BMP6: variants seen among roughly 807,000 people sequenced by gnomAD.
The protein encoded by BMP6 is VG-1-R.
In BMP6, 17 loss-of-function variants were observed where a neutral mutation model predicts 54.1. That is an observed-to-expected ratio of 0.31 (90% CI 0.22 to 0.47). BMP6 has a LOEUF of 0.47. BMP6 is among the 20% of genes least tolerant of loss of function. BMP6 has a pLI of 1.00. For synonymous variants in BMP6, 328 were observed against 291.2 expected (o/e 1.13, Z -1.28); for missense variants, 720 against 690.4 (o/e 1.04, Z -0.48).
At chr6:7,795,958 G>A (rs1758184898) in intron 1 of BMP6, among the ~76,000 whole-genome samples, 1 of 152,080 alleles carries the variant, frequency 6.6e-6, no homozygotes, top group Admixed American at 6.5e-5. Flanking sequence ...TTGAATTTGA[G>A]GTATCCTTGG....
intron 1 of BMP6, among the ~76,000 whole-genome samples, chr6:7,789,701 G>C (rs1758067137): frequency 2.0e-5 from 3 of 152,026 alleles, no homozygotes; most frequent in Non-Finnish European, 4.4e-5. Context: ...GAAGTACTCG[G>C]GGCTGGTTAG....
In BMP6 at chr6:7,727,480, C is replaced by G; in HGVS notation, c.525C>G (p.Pro175=). 1 of 1,594,412 alleles carries G rather than the reference C, an allele frequency of 6.3e-7. No individual in the cohort carries two copies. The part of the protein sequence containing the change: ...AASSSQRRQP[P]PGAAHPLNRK... ...GCTCGTCCCAGCGTCGGCAGCCGCC[C>G]CCGGGCGCCGCGCACCCGCTCAACC... is the stretch of plus-strand genomic sequence containing the variant. Residue 175 remains proline (P), a synonymous_variant, in exon 1 of 7, where the codon CCC becomes CCG. Coordinates refer to ENST00000283147, the MANE Select transcript of BMP6 (RefSeq NM_001718.6).
At chr6:7,799,326 CAG>C (rs1241387864) in intron 1 of BMP6, among the ~76,000 whole-genome samples, 28 of 152,250 alleles carry the variant, frequency 1.8e-4, no homozygotes, top group African/African-American at 5.5e-4. Context: ...AAGTAGGGGA[CAG>C]GGTCAGGTGC....
At chr6:7,763,823 C>T (rs936954083) in intron 1 of BMP6, among the ~76,000 whole-genome samples, 8 of 152,172 alleles carry the variant, frequency 5.3e-5, no homozygotes, top group African/African-American at 1.9e-4. Context: ...AGTTTGCCCT[C>T]CATGGTGACC....
At chr6:7,762,075 C>A (rs1270055857) in intron 1 of BMP6, among the ~76,000 whole-genome samples, 6 of 152,250 alleles carry the variant, frequency 3.9e-5, no homozygotes, top group Middle Eastern at 3.4e-3. Context: ...GCGCCCGCCA[C>A]CATGTCTGGC....
chr6:7,835,119 C>CTTTGTTTG (rs10622283), intron 1 of BMP6, among the ~76,000 whole-genome samples: 14 of 151,412 alleles, frequency 9.2e-5, no homozygotes, highest in South Asian at 8.4e-4. Context: ...GGAAGGAATG[C>CTTTGTTTG]TTTGTTTGTT....
rs1561799222 is a variant in BMP6, at chr6:7,875,921, T to TAG, written c.1205-3152_1205-3151insGA. ...TCATCACCCTAGACACTGGCTGCCG[T>TAG]ACTACCCATTCTTGATGTCACCTTT... On this transcript the variant is annotated intron_variant, in intron 4 of 6. Coordinates refer to ENST00000283147, the MANE Select transcript of BMP6 (RefSeq NM_001718.6). 3.9e-5 allele frequency among the ~76,000 whole-genome samples: 6 copies of TAG among 152,322 alleles called. No individual in the cohort carries two copies. The South Asian group carries it at 1.2e-3, about 32-fold the overall frequency.
chr6:7,875,776 TGA>T (rs894659181), intron 4 of BMP6, among the ~76,000 whole-genome samples: 10 of 152,180 alleles, frequency 6.6e-5, no homozygotes, highest in African/African-American at 1.7e-4. Context: ...CAGACTGTAA[TGA>T]GAGAGAAAAG....
intron 1 of BMP6, among the ~76,000 whole-genome samples, chr6:7,833,199 T>C (rs1431487461): frequency 6.6e-6 from 1 of 152,170 alleles, no homozygotes; most frequent in Non-Finnish European, 1.5e-5. Flanking sequence ...TCCAACGGTG[T>C]GCTCTCCAAT....
In BMP6 at chr6:7,880,456, C is replaced by G. The variant is rs1298868569; in HGVS notation, c.*113C>G. On this transcript the variant is annotated 3_prime_UTR_variant, in exon 7 of 7. Transcript: ENST00000283147. ...TGGGACGATGAGACTTTGAAACTAT[C>G]TCATGCCAGTGCCTTATTACCCAGG... 7.2e-7 allele frequency: 1 copy of G among 1,396,102 alleles called. No homozygotes were observed. The highest frequency in any genetic ancestry group is 1.4e-5 in the African/African-American group (1 of 69,714). The allele number at this position is 1,396,102 out of a possible 1,614,324, so 86.5% of individuals were successfully genotyped here.
chr6:7,831,036 G>C (rs1332787698), intron 1 of BMP6, among the ~76,000 whole-genome samples: 1 of 152,198 alleles, frequency 6.6e-6, no homozygotes, highest in Admixed American at 6.5e-5. Context: ...ATAGCCAAAA[G>C]GTGGAAAGAG....
intron 1 of BMP6, among the ~76,000 whole-genome samples, chr6:7,764,659 T>G (rs895021213): frequency 1.3e-5 from 2 of 152,172 alleles, no homozygotes; most frequent in Non-Finnish European, 1.5e-5. Flanking sequence ...TAAAAAAATT[T>G]TTTTAGGGGC....
intron 1 of BMP6, among the ~76,000 whole-genome samples, chr6:7,735,492 TTTAC>T (rs1319443458): frequency 5.9e-5 from 9 of 152,344 alleles, no homozygotes; most frequent in African/African-American, 2.2e-4. Flanking sequence ...ACTAAAAGTT[TTTAC>T]TTAATTTTGA....
At chr6:7,800,125 C>G (rs1465485008) in intron 1 of BMP6, among the ~76,000 whole-genome samples, 1 of 141,026 alleles carries the variant, frequency 7.1e-6, no homozygotes, top group Non-Finnish European at 1.5e-5. Context: ...TGTGTGTGAT[C>G]TAAAAGAAGC....
At chr6:7,854,721 A>T (rs1759198172) in intron 2 of BMP6, among the ~76,000 whole-genome samples, 4 of 152,220 alleles carry the variant, frequency 2.6e-5, no homozygotes, top group Non-Finnish European at 4.4e-5. Context: ...ACTTGAACCC[A>T]GGAGGCGGAG....
At chr6:7,758,502 C>T (rs1031345040) in intron 1 of BMP6, among the ~76,000 whole-genome samples, 3 of 152,156 alleles carry the variant, frequency 2.0e-5, no homozygotes, top group Non-Finnish European at 4.4e-5. Context: ...GGAAAATTGC[C>T]ATACCAACAA....
At chr6:7,831,096 C>T (rs1758786612) in intron 1 of BMP6, among the ~76,000 whole-genome samples, 1 of 152,176 alleles carries the variant, frequency 6.6e-6, no homozygotes, top group South Asian at 2.1e-4. Flanking sequence ...TGGCATGTAT[C>T]CATACAATGG....
At chr6:7,816,219 G>A (rs1309158115) in intron 1 of BMP6, among the ~76,000 whole-genome samples, 3 of 152,224 alleles carry the variant, frequency 2.0e-5, no homozygotes, top group African/African-American at 7.2e-5. Flanking sequence ...AATGGATTAA[G>A]AAGGGAGCAG....
chr6:7,844,721 G>A (rs1759032359), intron 1 of BMP6, among the ~76,000 whole-genome samples: 1 of 152,170 alleles, frequency 6.6e-6, no homozygotes, highest in Admixed American at 6.5e-5. Flanking sequence ...TAGCCGGGAG[G>A]AGAGGGGGCC....
Sources: allele counts gnomAD v4.1 joint callset (sites outside exome capture counted in the v4.1 genomes callset), GRCh38; gene constraint gnomAD v4.1.1; transcripts MANE v1.5; gene names NCBI Gene and HGNC (gene_info 2026-07-23, HGNC 2026-07-21).